PHKB: variants seen among roughly 807,000 people sequenced by gnomAD.
PHKB encodes phosphorylase kinase regulatory subunit beta.
Under a neutral mutation model 152.1 loss-of-function variants are expected in PHKB, and 122 were observed. The observed-to-expected ratio is 0.80, with a 90% CI of 0.69 to 0.93. PHKB has a LOEUF of 0.93. Ranked by LOEUF, PHKB falls within the 40% of genes least tolerant of loss-of-function variation. PHKB has a pLI of 0.00. For synonymous variants in PHKB, 436 were observed against 464.9 expected, an observed-to-expected ratio of 0.94 and a Z score of 0.80; for missense variants, 1,304 against 1,328.4, an observed-to-expected ratio of 0.98 and a Z score of 0.29.
At chr16:47,684,053 G>A (rs2142096644) in intron 26 of PHKB, among the ~76,000 whole-genome samples, 1 of 150,804 alleles carries the variant, frequency 6.6e-6, no homozygotes, top group South Asian at 2.1e-4. Flanking sequence ...ATTTCAGCTG[G>A]TCAGGTGCAG....
chr16:47,618,088 C>G (rs1052310801), intron 14 of PHKB, among the ~76,000 whole-genome samples: 3 of 152,232 alleles, frequency 2.0e-5, no homozygotes, highest in African/African-American at 7.2e-5. Context: ...TGGGGCCCTT[C>G]TAGTTGGTGA....
chr16:47,558,348 G>T (rs146153459), intron 7 of PHKB, among the ~76,000 whole-genome samples: 2 of 151,850 alleles, frequency 1.3e-5, no homozygotes, highest in African/African-American at 4.8e-5. Flanking sequence ...TAACCTGCAC[G>T]TTGTGCACAT....
chr16:47,633,295 T>C (rs1407547642), intron 14 of PHKB, among the ~76,000 whole-genome samples: 1 of 152,094 alleles, frequency 6.6e-6, no homozygotes, highest in Non-Finnish European at 1.5e-5. Context: ...GTATTGCTAA[T>C]AAATGTAACC....
intron 9 of PHKB, 99 bp from the exon 10 acceptor site, chr16:47,588,806 T>G: frequency 2.0e-6 from 2 of 1,008,180 alleles, no homozygotes; most frequent in African/African-American, 1.6e-5. Context: ...CACTTTTGAC[T>G]GCATAACCTC....
Position 47,542,171 on chromosome 16 carries a change from CTATAAGG to C in PHKB, c.595-5247_595-5241del, listed in dbSNP as rs541172684. On this transcript the variant is annotated intron_variant, in intron 6 of 30. Transcript: ENST00000323584. ...TTTAATTCATCTTGAATTAATTTTC[CTATAAGG>C]TATAAGGTATAAGGAAGGGATCTAG... is the stretch of plus-strand genomic sequence containing the variant. Among the ~76,000 whole-genome samples, 644 of 151,494 alleles carry C rather than the reference CTATAAGG, an allele frequency of 4.3e-3. 6 individuals carry two copies. Among genetic ancestry groups the C allele is most frequent in the African/African-American group, 0.015 (607 of 41,406 alleles).
In PHKB at chr16:47,500,249, G is replaced by C. The variant is rs1050749268; in HGVS notation, c.305+355G>C. 3.9e-5 allele frequency among the ~76,000 whole-genome samples: 6 copies of C among 152,074 alleles called. 1 individual carries two copies. Among genetic ancestry groups the C allele is most frequent in the South Asian group, 4.1e-4 (2 of 4,826 alleles). On this transcript the variant is annotated intron_variant, in intron 3 of 30. Transcript: ENST00000323584. The stretch of plus-strand genomic sequence containing the variant: ...GATGGGGTTTCTGTTGGCCAGGCTG[G>C]TCTCGAAATCTTGACCTCAAGTGAT...
chr16:47,527,351 A>G (rs185747875), intron 6 of PHKB, among the ~76,000 whole-genome samples: 39 of 152,318 alleles, frequency 2.6e-4, no homozygotes, highest in Admixed American at 1.0e-3. Flanking sequence ...ATGGTATCAA[A>G]TATAAAGGTA....
chr16:47,517,613 T>G (rs1970619798), intron 6 of PHKB, among the ~76,000 whole-genome samples: 1 of 152,194 alleles, frequency 6.6e-6, no homozygotes. Context: ...TCTCAATATA[T>G]GTCATAATTC....
At chr16:47,523,088 A>C (rs964307037) in intron 6 of PHKB, among the ~76,000 whole-genome samples, 1 of 151,246 alleles carries the variant, frequency 6.6e-6, no homozygotes, top group African/African-American at 2.4e-5. Flanking sequence ...GCATATTTAG[A>C]ATATTTGATT....
Position 47,499,797 on chromosome 16 carries a change from C to T in PHKB, c.208C>T (p.Leu70Phe), listed in dbSNP as rs1368868219. The T allele has an allele frequency of 1.1e-5, 17 of 1,614,080 alleles. No homozygotes were observed. The highest frequency in any genetic ancestry group is 4.0e-5 in the African/African-American group (3 of 74,948). The stretch of plus-strand genomic sequence containing the variant: ...GCTGTATCAAAGTCCAACTACCGGT[C>T]TCTTTCCCACTAAAACATGCGGTGG... Reference protein sequence around the residue: ...LLLYQSPTTGLFPTKTCGGDQ... With the variant: ...LLLYQSPTTGFFPTKTCGGDQ... Residue 70 changes from leucine to phenylalanine, a missense_variant, in exon 3 of 31, where the codon CTC (leucine) becomes TTC (phenylalanine). Leu to Phe is a conservative substitution (Grantham distance 22). Coordinates refer to ENST00000323584, the MANE Select transcript of PHKB (RefSeq NM_000293.3).
At chr16:47,549,671 G>T (rs1971237516) in intron 7 of PHKB, among the ~76,000 whole-genome samples, 1 of 151,916 alleles carries the variant, frequency 6.6e-6, no homozygotes, top group Non-Finnish European at 1.5e-5. Flanking sequence ...CTCCAGCCTG[G>T]GTGACAGAAT....
In PHKB at chr16:47,609,553, TTGTG is replaced by T. The variant is rs144647746; in HGVS notation, c.1364-1251_1364-1248del. ...ACTATGTGTGGATGTGTGTGTGTGT[TTGTG>T]TGTGTGTGTGTGTGTGTGTGTAAAG... On this transcript the variant is annotated intron_variant, in intron 13 of 30. Transcript: ENST00000323584. 8.2e-3 allele frequency among the ~76,000 whole-genome samples: 1,173 copies of T among 143,804 alleles called. 18 individuals carry two copies. Among genetic ancestry groups the T allele is most frequent in the African/African-American group, 0.029 (1,072 of 37,502 alleles). The allele number at this position is 143,804 out of a possible 152,430, so 94.3% of individuals were successfully genotyped here.
At chr16:47,585,277 A>G (rs746144700) in intron 8 of PHKB, among the ~76,000 whole-genome samples, 1 of 152,240 alleles carries the variant, frequency 6.6e-6, no homozygotes, top group African/African-American at 2.4e-5. Context: ...TGACATATAC[A>G]TATAAAACAT....
chr16:47,539,260 G>A (rs538750427), intron 6 of PHKB, among the ~76,000 whole-genome samples: 2 of 152,262 alleles, frequency 1.3e-5, no homozygotes, highest in Non-Finnish European at 2.9e-5. Context: ...TGTACCTGTA[G>A]CTATACAAAA....
chr16:47,472,610 G>A (rs1309543508), intron 1 of PHKB, among the ~76,000 whole-genome samples: 1 of 152,028 alleles, frequency 6.6e-6, no homozygotes, highest in African/African-American at 2.4e-5. Flanking sequence ...GTGAAACCTC[G>A]TCTCTACTAA....
chr16:47,675,359 T>A (rs141391906), intron 26 of PHKB, among the ~76,000 whole-genome samples: 45 of 152,272 alleles, frequency 3.0e-4, no homozygotes, highest in African/African-American at 1.0e-3. Flanking sequence ...TTCAACATTA[T>A]CACTGTGGTA....
chr16:47,540,930 C>T (rs1029337155), intron 6 of PHKB, among the ~76,000 whole-genome samples: 21 of 149,026 alleles, frequency 1.4e-4, no homozygotes, highest in Admixed American at 5.4e-4. Flanking sequence ...TGTGTTCAAG[C>T]GATTCTCCTG....
intron 6 of PHKB, among the ~76,000 whole-genome samples, chr16:47,530,821 A>G (rs184413806): frequency 1.3e-5 from 2 of 152,370 alleles, no homozygotes; most frequent in East Asian, 3.9e-4. Flanking sequence ...AAATATTAGC[A>G]TAAATAATGT....
chr16:47,484,875 G>A (rs771494993), intron 1 of PHKB, among the ~76,000 whole-genome samples: 10 of 152,068 alleles, frequency 6.6e-5, no homozygotes, highest in Non-Finnish European at 1.0e-4. Flanking sequence ...TTTTCATATA[G>A]CATTTTTACA....
Sources: gnomAD v4.1 joint callset for allele counts (sites outside exome capture counted in the v4.1 genomes callset) on GRCh38, gnomAD v4.1.1 for gene constraint, MANE v1.5 for transcripts, NCBI Gene and HGNC (gene_info 2026-07-23, HGNC 2026-07-21) for gene names.